WWC1: variants seen among roughly 807,000 people sequenced by gnomAD.
The protein encoded by WWC1 is protein KIBRA.
A neutral mutation model predicts 138.4 loss-of-function variants in WWC1; 55 were observed. The observed-to-expected ratio is 0.40, with a 90% CI of 0.32 to 0.50. The LOEUF (loss-of-function observed/expected upper bound fraction) is 0.50, where lower values mean the gene tolerates loss of function less well. Among genes scored for constraint, WWC1 ranks in the 20% least tolerant of loss-of-function variants. The probability of loss-of-function intolerance (pLI) is 0.72; values close to 1 mark genes in which losing one functional copy is unlikely to be tolerated. For missense variants in WWC1, 1,226 were observed against 1,420.4 expected, an observed-to-expected ratio of 0.86 and a Z score of 2.20; for synonymous variants, 524 against 564.9, an observed-to-expected ratio of 0.93 and a Z score of 1.03.
intron 17 of WWC1, among the ~76,000 whole-genome samples, chr5:168,445,949 C>G (rs1755221747): frequency 6.6e-6 from 1 of 152,112 alleles, no homozygotes; most frequent in South Asian, 2.1e-4. Context: ...AACCAAGAAG[C>G]ATTCCTGAAT....
chr5:168,438,376 G>A (rs1331320334), intron 15 of WWC1, among the ~76,000 whole-genome samples: 1 of 152,078 alleles, frequency 6.6e-6, no homozygotes, highest in Non-Finnish European at 1.5e-5. Flanking sequence ...GGTTATATAA[G>A]GGGCTTTTCC....
At position 168,351,845 on chromosome 5, in the gene WWC1, G is replaced by A. The variant is rs1774987483; in HGVS notation, c.120-19579G>A. 2.0e-5 allele frequency among the ~76,000 whole-genome samples: 3 copies of A among 152,192 alleles called. No homozygotes were observed. The South Asian group carries it at 6.2e-4, about 32-fold the overall frequency. The stretch of plus-strand genomic sequence containing the variant: ...TTTATCCTTGGATCCTAATGGTGGT[G>A]TTGAGTAGACTCCACTCAGAACTGA... On this transcript the variant is annotated intron_variant, in intron 1 of 22. Transcript: ENST00000265293.
rs149172313 is a variant in WWC1 at position 168,367,005 on chromosome 5, C to T, written c.120-4419C>T. Among the ~76,000 whole-genome samples the T allele has an allele frequency of 8.0e-3, 1,212 of 151,896 alleles. 13 individuals are homozygous for T. The highest frequency in any genetic ancestry group is 0.03 in the East Asian group (154 of 5,134). Reference sequence around the variant, plus strand: ...TAGAGATGGAGTTTCACCATGTTTGCCAGGCTGGTCTTGAACTCCTGACCT... The same window carrying T: ...TAGAGATGGAGTTTCACCATGTTTGTCAGGCTGGTCTTGAACTCCTGACCT... On this transcript the variant is annotated intron_variant, in intron 1 of 22. Transcript: ENST00000265293.
At chr5:168,357,618 A>G (rs1173053991) in intron 1 of WWC1, among the ~76,000 whole-genome samples, 2 of 152,094 alleles carry the variant, frequency 1.3e-5, no homozygotes, top group Non-Finnish European at 2.9e-5. Context: ...TCATCCTCGC[A>G]GTATGAATGA....
intron 1 of WWC1, among the ~76,000 whole-genome samples, chr5:168,347,990 A>G (rs1326496139): frequency 6.6e-6 from 1 of 152,214 alleles, no homozygotes; most frequent in Non-Finnish European, 1.5e-5. Flanking sequence ...AGTCATGCTC[A>G]GGAGATGGCA....
At chr5:168,417,451 C>G (rs1207251085) in intron 9 of WWC1, among the ~76,000 whole-genome samples, 1 of 152,082 alleles carries the variant, frequency 6.6e-6, no homozygotes, top group African/African-American at 2.4e-5. Flanking sequence ...TATATAATCT[C>G]ATTTAAACCT....
At chr5:168,304,359 A>G (rs6555795) in intron 1 of WWC1, among the ~76,000 whole-genome samples, 98,449 of 152,060 alleles carry the variant, frequency 0.65, 32,121 homozygotes, top group Middle Eastern at 0.76. Flanking sequence ...AATATTAAGA[A>G]GTGTCTTAAT....
rs34453947 is a variant in WWC1 at position 168,459,254 on chromosome 5, C to CAA, written c.2824-1377_2824-1376dup. ...GGGCGAAAGGAGTGAAACCCTGTCTCAAAAAAAAAAAAAAAAAAAAGAAAG... is the reference window on the plus strand; with the variant it reads ...GGGCGAAAGGAGTGAAACCCTGTCTCAAAAAAAAAAAAAAAAAAAAAAGAAAG... On this transcript the variant is annotated intron_variant, in intron 19 of 22. Transcript: ENST00000265293. Among the ~76,000 whole-genome samples, 330 of 94,716 alleles carry CAA rather than the reference C, an allele frequency of 3.5e-3. 5 individuals are homozygous for CAA. The highest frequency in any genetic ancestry group is 6.3e-3 in the South Asian group (17 of 2,714). 62.1% of individuals were successfully genotyped at this position (94,716 alleles called of 152,430 possible).
At chr5:168,468,629 T>G (rs1757496506) in intron 22 of WWC1, among the ~76,000 whole-genome samples, 2 of 152,112 alleles carry the variant, frequency 1.3e-5, no homozygotes, top group African/African-American at 4.8e-5. Flanking sequence ...GGCCCAAGGG[T>G]CCTTTTAAAC....
intron 1 of WWC1, among the ~76,000 whole-genome samples, chr5:168,355,651 G>T (rs1233804688): frequency 6.6e-6 from 1 of 152,160 alleles, no homozygotes. Context: ...TGCATTCTGA[G>T]TATTGAGAAA....
intron 10 of WWC1, among the ~76,000 whole-genome samples, chr5:168,422,871 C>T (rs374088340): frequency 5.9e-5 from 9 of 151,970 alleles, no homozygotes; most frequent in Non-Finnish European, 7.4e-5. Context: ...TTGGGGCAGG[C>T]GTGGTGGCTT....
chr5:168,303,772 C>T (rs1420215346), intron 1 of WWC1, among the ~76,000 whole-genome samples: 1 of 152,128 alleles, frequency 6.6e-6, no homozygotes, highest in Non-Finnish European at 1.5e-5. Context: ...GCCAGGACTC[C>T]CCTGCGCTGA....
intron 21 of WWC1, among the ~76,000 whole-genome samples, chr5:168,465,236 A>G (rs186853323): frequency 2.0e-4 from 31 of 152,328 alleles, no homozygotes; most frequent in African/African-American, 4.3e-4. Context: ...TTATTCACAC[A>G]TGTACTCATC....
intron 12 of WWC1, 108 bp downstream of exon 12, chr5:168,428,249 G>A: frequency 3.6e-6 from 4 of 1,116,390 alleles, no homozygotes; most frequent in Non-Finnish European, 5.1e-6. Flanking sequence ...CACAGTGTGT[G>A]GGAGGAGCCC....
intron 1 of WWC1, among the ~76,000 whole-genome samples, chr5:168,354,451 T>C (rs557137828): frequency 6.6e-6 from 1 of 152,344 alleles, no homozygotes; most frequent in African/African-American, 2.4e-5. Flanking sequence ...GTATTTTCAT[T>C]AAGGAAAAGC....
intron 2 of WWC1, among the ~76,000 whole-genome samples, chr5:168,380,656 C>T (rs1486901426): frequency 2.6e-5 from 4 of 152,016 alleles, no homozygotes; most frequent in African/African-American, 4.8e-5. Flanking sequence ...AAGTATAATC[C>T]AGCAATTCTA....
chr5:168,426,076 T>C (rs1225548591), intron 11 of WWC1, among the ~76,000 whole-genome samples: 2 of 152,126 alleles, frequency 1.3e-5, no homozygotes, highest in African/African-American at 2.4e-5. Context: ...TATCCATGTG[T>C]GTACAAGGGC....
At chr5:168,434,388 G>A (rs1013995756) in intron 15 of WWC1, among the ~76,000 whole-genome samples, 4 of 152,106 alleles carry the variant, frequency 2.6e-5, no homozygotes, top group South Asian at 2.1e-4. Flanking sequence ...CCTCTCCCAC[G>A]CAGAGACTCC....
intron 9 of WWC1, among the ~76,000 whole-genome samples, chr5:168,420,853 C>G (rs969765320): frequency 1.3e-5 from 2 of 152,302 alleles, no homozygotes; most frequent in African/African-American, 2.4e-5. Context: ...CGCCTTCAGT[C>G]TTCAGCCTCC....
Sources: gnomAD v4.1 joint callset for allele counts (sites outside exome capture counted in the v4.1 genomes callset) on GRCh38, gnomAD v4.1.1 for gene constraint, MANE v1.5 for transcripts, NCBI Gene and HGNC (gene_info 2026-07-23, HGNC 2026-07-21) for gene names.